THSD7A: variants seen among roughly 807,000 people sequenced by gnomAD.
The protein encoded by THSD7A is thrombospondin type 1 domain containing 7A, also known as thrombospondin type-1 domain-containing protein 7A.
THSD7A carries 96 observed loss-of-function variants against 231.3 expected under a neutral mutation model. That is an observed-to-expected ratio of 0.41 (90% CI 0.35 to 0.49). The LOEUF (loss-of-function observed/expected upper bound fraction) is 0.49, where lower values mean the gene tolerates loss of function less well. THSD7A is among the 20% of genes least tolerant of loss of function. The pLI, the probability that THSD7A is intolerant of heterozygous loss-of-function variation, is 0.05. For missense variants in THSD7A, 2,290 were observed against 2,070.2 expected (o/e 1.11, Z -2.06); for synonymous variants, 940 against 743.3 (o/e 1.26, Z -4.30).
chr7:11,501,759 G>T (rs989770932), intron 6 of THSD7A, among the ~76,000 whole-genome samples: 3 of 152,120 alleles, frequency 2.0e-5, no homozygotes, highest in Non-Finnish European at 4.4e-5. Flanking sequence ...AAAGCTAGGA[G>T]AAGATGAGAA....
chr7:11,426,431 T>G (rs1459014184), intron 15 of THSD7A, among the ~76,000 whole-genome samples: 1 of 152,162 alleles, frequency 6.6e-6, no homozygotes, highest in African/African-American at 2.4e-5. Context: ...CCCCAACTCT[T>G]GTTCACCTCA....
chr7:11,401,756 C>T (rs1783412656), intron 23 of THSD7A, 39 bp downstream of exon 23: 3 of 1,515,972 alleles, frequency 2.0e-6, no homozygotes, highest in East Asian at 2.4e-5. Context: ...TAATCTTATG[C>T]TTTTGCTTAA....
At chr7:11,478,191 T>C (rs1314870759) in intron 7 of THSD7A, among the ~76,000 whole-genome samples, 3 of 152,214 alleles carry the variant, frequency 2.0e-5, no homozygotes, top group Admixed American at 6.5e-5. Context: ...CTGCTCATGA[T>C]CTGACATCCT....
Position 11,389,000 on chromosome 7 carries a change from G to T in THSD7A, c.4412-6384C>A, listed in dbSNP as rs146285125. ...TTATGATTTCTGTTCTTTTGCATTT[G>T]CTGAGGAGTGTTTTACTTCCAATTA... On this transcript the variant is annotated intron_variant, in intron 23 of 27. Coordinates refer to ENST00000423059, the MANE Select transcript of THSD7A (RefSeq NM_015204.3). Among the ~76,000 whole-genome samples the T allele has an allele frequency of 7.6e-3, 1,159 of 152,278 alleles. 14 individuals carry two copies. Among genetic ancestry groups the T allele is most frequent in the African/African-American group, 0.027 (1,105 of 41,560 alleles).
chr7:11,572,932 T>C (rs2128335166), intron 4 of THSD7A, among the ~76,000 whole-genome samples: 1 of 152,272 alleles, frequency 6.6e-6, no homozygotes, highest in South Asian at 2.1e-4. Context: ...GAACAGTATA[T>C]TGTAGAGAAC....
chr7:11,702,942 G>C (rs1403659926), intron 1 of THSD7A, among the ~76,000 whole-genome samples: 5 of 151,140 alleles, frequency 3.3e-5, no homozygotes, highest in Admixed American at 3.3e-4. Flanking sequence ...AATTATTTTA[G>C]CTTTCTAAGA....
At chr7:11,716,327 T>C (rs1781135987) in intron 1 of THSD7A, among the ~76,000 whole-genome samples, 1 of 151,496 alleles carries the variant, frequency 6.6e-6, no homozygotes, top group South Asian at 2.1e-4. Context: ...GGTGAGCACA[T>C]AGCAGGTGAT....
chr7:11,804,517 C>A (rs1038282611), intron 1 of THSD7A, among the ~76,000 whole-genome samples: 11 of 152,144 alleles, frequency 7.2e-5, no homozygotes, highest in Admixed American at 5.2e-4. Flanking sequence ...ACTGAAATTT[C>A]AGTTGCTTGA....
At chr7:11,721,842 C>T (rs1254901533) in intron 1 of THSD7A, among the ~76,000 whole-genome samples, 1 of 151,856 alleles carries the variant, frequency 6.6e-6, no homozygotes, top group Non-Finnish European at 1.5e-5. Flanking sequence ...TCCAGGCCTT[C>T]CAAAATCCAG....
intron 22 of THSD7A, among the ~76,000 whole-genome samples, chr7:11,404,279 A>T (rs1312039535): frequency 6.6e-6 from 1 of 152,224 alleles, no homozygotes; most frequent in East Asian, 1.9e-4. Flanking sequence ...ACATTTGATA[A>T]GTAACAGTCA....
rs561713128 is a variant in THSD7A, at chr7:11,564,042, C to T, written c.1454-20925G>A. ...TTTTTACATAAACCTGTTGACTTTTCTGTTTATTCTTTTGGAGTTAGAGAA... is the reference window on the plus strand; with the variant it reads ...TTTTTACATAAACCTGTTGACTTTTTTGTTTATTCTTTTGGAGTTAGAGAA... On this transcript the variant is annotated intron_variant, in intron 4 of 27. Coordinates refer to ENST00000423059, the MANE Select transcript of THSD7A (RefSeq NM_015204.3). Among the ~76,000 whole-genome samples the T allele has an allele frequency of 2.8e-4, 43 of 152,218 alleles. No individual in the cohort carries two copies. The South Asian group carries it at 8.7e-3, about 31-fold the overall frequency.
At chr7:11,512,108 T>A (rs372805632) in intron 6 of THSD7A, among the ~76,000 whole-genome samples, 12 of 152,016 alleles carry the variant, frequency 7.9e-5, no homozygotes, top group African/African-American at 2.9e-4. Flanking sequence ...AACAACCCCA[T>A]CAAAAAGTAG....
chr7:11,788,097 C>A (rs975959291), intron 1 of THSD7A, among the ~76,000 whole-genome samples: 5 of 152,048 alleles, frequency 3.3e-5, no homozygotes, highest in Admixed American at 2.6e-4. Context: ...ACACCACCAT[C>A]CTACAAGTAC....
In THSD7A at chr7:11,773,335, C is replaced by G. The variant is rs938786867; in HGVS notation, c.190+58422G>C. ...GATCATCTAGGTCGGGAGTTCGTGA[C>G]CAGCCTGATCAAAATGGAGAAACCC... On this transcript the variant is annotated intron_variant, in intron 1 of 27. Transcript: ENST00000423059. Among the ~76,000 whole-genome samples, 8 of 152,196 alleles carry G rather than the reference C, an allele frequency of 5.3e-5. No homozygotes were observed. In the South Asian group the frequency reaches 1.5e-3, roughly 28 times the overall value.
intron 6 of THSD7A, among the ~76,000 whole-genome samples, chr7:11,486,884 T>C (rs1290890015): frequency 1.3e-5 from 2 of 152,160 alleles, no homozygotes; most frequent in African/African-American, 2.4e-5. Context: ...CATTTTACAA[T>C]TTACACCTTA....
intron 1 of THSD7A, among the ~76,000 whole-genome samples, chr7:11,797,703 G>A (rs949297530): frequency 3.9e-5 from 6 of 151,954 alleles, no homozygotes; most frequent in African/African-American, 1.2e-4. Flanking sequence ...ACAGGCTTGT[G>A]CCACTGTGCC....
intron 23 of THSD7A, among the ~76,000 whole-genome samples, chr7:11,396,813 C>CAGAT (rs1783204972): frequency 6.6e-6 from 1 of 151,964 alleles, no homozygotes; most frequent in Non-Finnish European, 1.5e-5. Context: ...CAAAACCTGG[C>CAGAT]AGATACACAA....
chr7:11,370,901 TAAACAC>T lies in THSD7A; in HGVS notation c.*4887_*4892del, dbSNP rs1782027153. On this transcript the variant is annotated 3_prime_UTR_variant, in exon 28 of 28. Coordinates refer to ENST00000423059, the MANE Select transcript of THSD7A (RefSeq NM_015204.3). ...AATCTAAATGTTTACTTTCTAAAAA[TAAACAC>T]AAACAGATTTCTGAAAAATAGGGAA... 1 of 152,182 alleles carries T rather than the reference TAAACAC, an allele frequency of 6.6e-6. No individual in the cohort carries two copies. The highest frequency in any genetic ancestry group is 6.5e-5 in the Admixed American group (1 of 15,272). The allele number at this position is 152,182 out of a possible 1,614,324, so 9.4% of individuals were successfully genotyped here. A position where few individuals can be genotyped will look rare whatever the true frequency, so the allele number is the denominator to read the frequency against.
At chr7:11,614,254 G>T (rs970957918) in intron 2 of THSD7A, among the ~76,000 whole-genome samples, 15 of 152,184 alleles carry the variant, frequency 9.9e-5, no homozygotes, top group Admixed American at 9.2e-4. Context: ...CTGCCTTAGA[G>T]ATTTTAGTTC....
Sources: gnomAD v4.1 joint callset for allele counts (sites outside exome capture counted in the v4.1 genomes callset) on GRCh38, gnomAD v4.1.1 for gene constraint, MANE v1.5 for transcripts, NCBI Gene and HGNC (gene_info 2026-07-23, HGNC 2026-07-21) for gene names.